Variants in NEK11 observed in about 807,000 individuals in gnomAD.
NEK11 encodes serine/threonine-protein kinase Nek11.
In NEK11, 72 loss-of-function variants were observed where a neutral mutation model predicts 80.7. The observed-to-expected ratio is 0.89, with a 90% CI of 0.74 to 1.08. NEK11 has a LOEUF of 1.08. Ranked by LOEUF, NEK11 falls within the 50% of genes least tolerant of loss-of-function variation. The pLI is 0.00. For missense variants in NEK11, 764 were observed against 763.6 expected (o/e 1.00, Z -0.01); for synonymous variants, 251 against 260.7 (o/e 0.96, Z 0.36).
chr3:131,349,731 G>A lies in NEK11; in HGVS notation c.1893G>A (p.Leu631=). The change falls in exon 18 of 18, where the codon TTG becomes TTA. Residue 631 remains leucine, a synonymous_variant. Coordinates refer to ENST00000383366, the MANE Select transcript of NEK11 (RefSeq NM_024800.5). The part of the protein sequence containing the change: ...VDQLLYFEEQ[L]LITMGKEPTL... ...AGCTCCTGTACTTTGAAGAGCAGTT[G>A]CTGATCACGATGGGAAAAGAACCTA... 1 of 1,614,226 alleles carries A rather than the reference G, an allele frequency of 6.2e-7. No individual in the cohort carries two copies.
At chr3:131,215,210 G>A (rs1561014024) in intron 14 of NEK11, among the ~76,000 whole-genome samples, 1 of 146,944 alleles carries the variant, frequency 6.8e-6, no homozygotes, top group Non-Finnish European at 1.5e-5. Context: ...ACTCATAGGT[G>A]GGAATTGAAC....
At chr3:131,259,683 C>T (rs2095877536) in intron 16 of NEK11, among the ~76,000 whole-genome samples, 1 of 152,112 alleles carries the variant, frequency 6.6e-6, no homozygotes, top group African/African-American at 2.4e-5. Context: ...GTGTTGCCAG[C>T]AAAGGCCATA....
At chr3:131,303,858 A>G (rs185737575) in intron 17 of NEK11, among the ~76,000 whole-genome samples, 30 of 152,282 alleles carry the variant, frequency 2.0e-4, no homozygotes, top group Admixed American at 1.7e-3. Flanking sequence ...AGTATCTCAC[A>G]AGGGTTCTCT....
At chr3:131,301,439 C>G (rs72991587) in intron 17 of NEK11, among the ~76,000 whole-genome samples, 1,887 of 151,116 alleles carry the variant, frequency 0.012, 33 homozygotes, top group African/African-American at 0.044. Flanking sequence ...AATGGGCATC[C>G]TTGTCTTGTT....
At chr3:131,319,783 C>CTTACT (rs2096879414) in intron 17 of NEK11, among the ~76,000 whole-genome samples, 1 of 152,170 alleles carries the variant, frequency 6.6e-6, no homozygotes, top group South Asian at 2.1e-4. Flanking sequence ...ATAACTGAAC[C>CTTACT]TTACTTTCTA....
At chr3:131,109,568 C>A in intron 4 of NEK11, 1 of 391,500 alleles carries the variant, frequency 2.6e-6, no homozygotes, top group South Asian at 4.8e-5. Flanking sequence ...CTTTTAGAAA[C>A]TATTAATAGA....
intron 14 of NEK11, among the ~76,000 whole-genome samples, chr3:131,228,194 C>T (rs917535445): frequency 6.6e-6 from 1 of 152,174 alleles, no homozygotes; most frequent in Non-Finnish European, 1.5e-5. Flanking sequence ...CTTGTCCTAC[C>T]TTTGCCCCTA....
chr3:131,256,000 C>T (rs188374081), intron 16 of NEK11, among the ~76,000 whole-genome samples: 1 of 152,262 alleles, frequency 6.6e-6, no homozygotes, highest in East Asian at 1.9e-4. Flanking sequence ...CTGTCCAATT[C>T]ATAAATCATT....
chr3:131,338,760 T>C (rs1325377011), intron 17 of NEK11, among the ~76,000 whole-genome samples: 1 of 152,220 alleles, frequency 6.6e-6, no homozygotes, highest in Non-Finnish European at 1.5e-5. Context: ...GCATTCTGAA[T>C]GATTCCATTC....
chr3:131,101,255 T>C (rs1388940314), intron 4 of NEK11, among the ~76,000 whole-genome samples: 1 of 152,180 alleles, frequency 6.6e-6, no homozygotes, highest in African/African-American at 2.4e-5. Flanking sequence ...ATTTCAGTTA[T>C]TGTTTTTCTT....
chr3:131,337,369 A>C (rs1173817229), intron 17 of NEK11, among the ~76,000 whole-genome samples: 3 of 152,002 alleles, frequency 2.0e-5, no homozygotes, highest in Non-Finnish European at 4.4e-5. Flanking sequence ...GCAACGACAA[A>C]ACACCAAACA....
intron 3 of NEK11, among the ~76,000 whole-genome samples, chr3:131,061,526 A>C (rs188032135): frequency 1.5e-4 from 23 of 152,150 alleles, no homozygotes; most frequent in Admixed American, 9.8e-4. Flanking sequence ...GTCTCTTCTC[A>C]AGGACAGTGT....
At chr3:131,080,635 A>T in intron 4 of NEK11, 47 bp downstream of exon 4, 3 of 1,535,122 alleles carry the variant, frequency 2.0e-6, no homozygotes, top group Non-Finnish European at 2.6e-6. Flanking sequence ...AACTTGCTGA[A>T]TGGTAAAAAG....
intron 14 of NEK11, among the ~76,000 whole-genome samples, chr3:131,195,793 A>AATATATAT (rs58272752): frequency 0.082 from 10,978 of 133,500 alleles, 543 homozygotes; most frequent in East Asian, 0.19. Flanking sequence ...TATATTTCAG[A>AATATATAT]ATATATATAT....
intron 14 of NEK11, among the ~76,000 whole-genome samples, chr3:131,177,699 A>G (rs2093112030): frequency 6.6e-6 from 1 of 152,218 alleles, no homozygotes; most frequent in African/African-American, 2.4e-5. Context: ...GCCCTAGCGT[A>G]GGTTGAAAAA....
chr3:131,057,391 G>A (rs541499961), intron 3 of NEK11, among the ~76,000 whole-genome samples: 68 of 152,160 alleles, frequency 4.5e-4, no homozygotes, highest in South Asian at 8.3e-4. Context: ...GTAGACCTTT[G>A]GGTATATACC....
intron 17 of NEK11, among the ~76,000 whole-genome samples, chr3:131,323,578 G>A (rs1291245111): frequency 1.3e-5 from 2 of 152,186 alleles, no homozygotes; most frequent in African/African-American, 4.8e-5. Flanking sequence ...AGTTGCCAAA[G>A]GAGAGGCATA....
At chr3:131,338,413 A>G (rs2097229934) in intron 17 of NEK11, among the ~76,000 whole-genome samples, 1 of 152,002 alleles carries the variant, frequency 6.6e-6, no homozygotes, top group Non-Finnish European at 1.5e-5. Flanking sequence ...GATCTTCACC[A>G]AACGGCTGAG....
chr3:131,085,782 T>A lies in NEK11; in HGVS notation c.336+5194T>A, dbSNP rs115701467. 9.5e-3 allele frequency among the ~76,000 whole-genome samples: 1,451 copies of A among 152,292 alleles called. 19 individuals carry two copies. Among genetic ancestry groups the A allele is most frequent in the African/African-American group, 0.031 (1,296 of 41,556 alleles). On this transcript the variant is annotated intron_variant, in intron 4 of 17. Transcript: ENST00000383366. ...AACTTATATAATCATAGTATAATTATCAAAACTAGGAAAATTAATATTTTA... is the reference window on the plus strand; with the variant it reads ...AACTTATATAATCATAGTATAATTAACAAAACTAGGAAAATTAATATTTTA...
Sources: allele counts gnomAD v4.1 joint callset (sites outside exome capture counted in the v4.1 genomes callset), GRCh38; gene constraint gnomAD v4.1.1; transcripts MANE v1.5; gene names NCBI Gene and HGNC (gene_info 2026-07-23, HGNC 2026-07-21).